Variants in KIAA1217 observed in about 807,000 individuals in gnomAD.
KIAA1217 encodes sickle tail protein homolog.
Under a neutral mutation model 163.9 loss-of-function variants are expected in KIAA1217, and 88 were observed. The ratio of observed to expected loss-of-function variants is 0.54; its 90% CI spans 0.45 to 0.64. The LOEUF is 0.64. KIAA1217 is among the 30% of genes least tolerant of loss of function. The pLI, the probability that KIAA1217 is intolerant of heterozygous loss-of-function variation, is 0.00. For missense variants in KIAA1217, 2,372 were observed against 2,475.0 expected (o/e 0.96, Z 0.88); for synonymous variants, 903 against 923.1 (o/e 0.98, Z 0.39).
At chr10:23,868,816 T>C (rs1840316898) in intron 1 of KIAA1217, among the ~76,000 whole-genome samples, 2 of 152,126 alleles carry the variant, frequency 1.3e-5, no homozygotes, top group Admixed American at 6.6e-5. Context: ...TCACTTGATA[T>C]CACAAGTTGA....
intron 1 of KIAA1217, among the ~76,000 whole-genome samples, chr10:23,938,666 G>C (rs999200652): frequency 2.6e-4 from 38 of 143,442 alleles, no homozygotes; most frequent in African/African-American, 8.8e-4. Flanking sequence ...AGATGATTTA[G>C]AGTAAAAAAA....
chr10:24,506,678 C>T (rs1592503558), intron 9 of KIAA1217, among the ~76,000 whole-genome samples: 1 of 152,114 alleles, frequency 6.6e-6, no homozygotes. Flanking sequence ...GGACCGTAAT[C>T]CTTAGGAGAA....
intron 17 of KIAA1217, among the ~76,000 whole-genome samples, chr10:24,538,523 A>T (rs2074374691): frequency 7.2e-6 from 1 of 138,268 alleles, no homozygotes; most frequent in African/African-American, 2.6e-5. Flanking sequence ...AGAGAGAGAT[A>T]TGGAGGGAGA....
At position 24,092,928 on chromosome 10, in the gene KIAA1217, T is replaced by TTGTGTG. The variant is rs72267704; in HGVS notation, c.-171+85575_-171+85580dup. Among the ~76,000 whole-genome samples, 877 of 141,044 alleles carry TTGTGTG rather than the reference T, an allele frequency of 6.2e-3. 29 individuals carry two copies. Among genetic ancestry groups the TTGTGTG allele is most frequent in the African/African-American group, 0.022 (790 of 36,504 alleles). The allele number at this position is 141,044 out of a possible 152,430, so 92.5% of individuals were successfully genotyped here. A position where few individuals can be genotyped will look rare whatever the true frequency, so the allele number is the denominator to read the frequency against. ...TAGTGTGTGTGTGTGTGTGTGTGTG[T>TTGTGTG]TGTGTGTGTGTGTGTGTGTGTGTGT... On this transcript the variant is annotated intron_variant, in intron 2 of 18. Coordinates refer to the KIAA1217 transcript ENST00000376462.
intron 1 of KIAA1217, among the ~76,000 whole-genome samples, chr10:23,844,388 T>G (rs1838925101): frequency 6.6e-6 from 1 of 152,200 alleles, no homozygotes; most frequent in Non-Finnish European, 1.5e-5. Flanking sequence ...TTAAATCTCC[T>G]TAACTCTTAC....
intron 1 of KIAA1217, among the ~76,000 whole-genome samples, chr10:23,720,755 G>T (rs1245641744): frequency 6.6e-6 from 1 of 152,156 alleles, no homozygotes; most frequent in Non-Finnish European, 1.5e-5. Context: ...ACTACTGTAA[G>T]AATAGTCTGT....
chr10:24,132,754 G>A (rs187284667), intron 2 of KIAA1217, among the ~76,000 whole-genome samples: 3 of 152,306 alleles, frequency 2.0e-5, no homozygotes, highest in Admixed American at 2.0e-4. Context: ...TGAAGGTTAA[G>A]AGAGGATTTC....
intron 2 of KIAA1217, among the ~76,000 whole-genome samples, chr10:24,046,088 C>CATTTATTT (rs143012973): frequency 1.3e-4 from 20 of 151,484 alleles, no homozygotes; most frequent in East Asian, 7.7e-4. Flanking sequence ...GTCCTGATTT[C>CATTTATTT]ATTTATTTAT....
At chr10:23,913,812 C>A (rs1842534165) in intron 1 of KIAA1217, among the ~76,000 whole-genome samples, 1 of 152,074 alleles carries the variant, frequency 6.6e-6, no homozygotes, top group African/African-American at 2.4e-5. Context: ...GTGGACAATC[C>A]CATGGGGGAG....
chr10:24,041,111 C>T (rs555695578), intron 2 of KIAA1217, among the ~76,000 whole-genome samples: 3 of 152,318 alleles, frequency 2.0e-5, no homozygotes, highest in South Asian at 4.1e-4. Context: ...GGGAATAGCA[C>T]AGTATTTACA....
intron 1 of KIAA1217, among the ~76,000 whole-genome samples, chr10:23,767,903 C>G (rs1156623273): frequency 6.6e-6 from 1 of 152,292 alleles, no homozygotes; most frequent in South Asian, 2.1e-4. Context: ...AGGGCTTTCT[C>G]CTTTCCCCCT....
intron 2 of KIAA1217, among the ~76,000 whole-genome samples, chr10:24,185,832 G>A (rs1026835959): frequency 1.3e-5 from 2 of 151,774 alleles, no homozygotes; most frequent in Non-Finnish European, 2.9e-5. Flanking sequence ...GAATGTGGTG[G>A]CAGGTGCCTA....
intron 2 of KIAA1217, among the ~76,000 whole-genome samples, chr10:24,322,278 A>G (rs1451650801): frequency 6.6e-6 from 1 of 152,060 alleles, no homozygotes; most frequent in Non-Finnish European, 1.5e-5. Context: ...AAAAAAGCAA[A>G]TCTACAGAGG....
At chr10:24,058,725 G>A (rs2060613792) in intron 2 of KIAA1217, among the ~76,000 whole-genome samples, 1 of 151,996 alleles carries the variant, frequency 6.6e-6, no homozygotes, top group African/African-American at 2.4e-5. Flanking sequence ...ATTTTCATAT[G>A]TTGATTTTAT....
At chr10:24,519,731 C>T (rs924549220) in intron 10 of KIAA1217, among the ~76,000 whole-genome samples, 52 of 152,142 alleles carry the variant, frequency 3.4e-4, no homozygotes, top group African/African-American at 1.2e-3. Flanking sequence ...TTTTACTGCA[C>T]CGCAGGTCGG....
intron 2 of KIAA1217, among the ~76,000 whole-genome samples, chr10:24,162,402 T>G (rs1490466977): frequency 6.6e-6 from 1 of 152,226 alleles, no homozygotes; most frequent in African/African-American, 2.4e-5. Context: ...TGAATCGTCC[T>G]TGAGGAGGCG....
chr10:23,773,522 G>A (rs1467441846), intron 1 of KIAA1217, among the ~76,000 whole-genome samples: 2 of 151,842 alleles, frequency 1.3e-5, no homozygotes, highest in East Asian at 3.9e-4. Flanking sequence ...AGCTTGATGG[G>A]GATGGCATTG....
rs534602161 is a variant in KIAA1217, at chr10:24,269,431, G to GA, written c.354+49524dup. Among the ~76,000 whole-genome samples, 20 of 152,208 alleles carry GA rather than the reference G, an allele frequency of 1.3e-4. No homozygotes were observed. The East Asian group carries it at 3.5e-3, about 26-fold the overall frequency. ...CCTAGCTACTCGGGAGGCTGAGGTG[G>GA]AAGGATGGCTTGAGCCCTGGAGTTT... On this transcript the variant is annotated intron_variant, in intron 2 of 20. Transcript: ENST00000376454.
At chr10:23,699,892 T>C (rs1231520908) in intron 1 of KIAA1217, among the ~76,000 whole-genome samples, 1 of 152,228 alleles carries the variant, frequency 6.6e-6, no homozygotes, top group African/African-American at 2.4e-5. Context: ...GAACCAAGTG[T>C]TTCTTGCTCA....
Sources: allele counts gnomAD v4.1 joint callset (sites outside exome capture counted in the v4.1 genomes callset), GRCh38; gene constraint gnomAD v4.1.1; transcripts MANE v1.5; gene names NCBI Gene and HGNC (gene_info 2026-07-23, HGNC 2026-07-21).